The following NTM variants were observed in gnomAD, a reference collection of about 807,000 sequenced individuals.
The protein encoded by NTM is IgLON family member 2.
In NTM, 13 loss-of-function variants were observed where a neutral mutation model predicts 42.1. That is an observed-to-expected ratio of 0.31 (90% CI 0.20 to 0.49). The LOEUF (loss-of-function observed/expected upper bound fraction) is 0.49, where lower values mean the gene tolerates loss of function less well. NTM is among the 20% of genes least tolerant of loss of function. The pLI is 0.99. For synonymous variants in NTM, 187 were observed against 179.2 expected (o/e 1.04, Z -0.35); for missense variants, 373 against 452.8 (o/e 0.82, Z 1.60).
chr11:131,445,234 G>T lies in NTM; in HGVS notation c.82+74346G>T, dbSNP rs559917883. On this transcript the variant is annotated intron_variant, in intron 1 of 8. Coordinates refer to ENST00000683400, the MANE Select transcript of NTM (RefSeq NM_001352005.2). ...TTTCTCCTGTGGCATTTGTATCTCC[G>T]TACACTGCCCTGTACCCCTAAGGGT... 8.6e-4 allele frequency among the ~76,000 whole-genome samples: 131 copies of T among 152,220 alleles called. No individual in the cohort carries two copies. The South Asian group carries it at 0.01, about 12-fold the overall frequency.
At chr11:131,796,958 G>A (rs1160347647) in intron 1 of NTM, among the ~76,000 whole-genome samples, 3 of 152,206 alleles carry the variant, frequency 2.0e-5, no homozygotes, top group African/African-American at 4.8e-5. Flanking sequence ...TTTAGCTAAT[G>A]ATGAAATAGA....
intron 3 of NTM, among the ~76,000 whole-genome samples, chr11:132,167,272 G>C (rs2075421579): frequency 6.6e-6 from 1 of 151,984 alleles, no homozygotes; most frequent in South Asian, 2.1e-4. Context: ...GATCTTGTTA[G>C]GTTGCCCAGG....
chr11:132,233,728 G>A (rs563794604), intron 4 of NTM, among the ~76,000 whole-genome samples: 1 of 152,170 alleles, frequency 6.6e-6, no homozygotes, highest in African/African-American at 2.4e-5. Context: ...TTATTATCTG[G>A]TCCTTTAGAG....
intron 2 of NTM, among the ~76,000 whole-genome samples, chr11:131,920,172 C>T (rs1320920883): frequency 6.6e-6 from 1 of 152,124 alleles, no homozygotes; most frequent in East Asian, 1.9e-4. Context: ...GACCCCTTTT[C>T]CTTGGAGAAA....
intron 1 of NTM, among the ~76,000 whole-genome samples, chr11:131,382,419 G>A (rs1303011150): frequency 6.6e-6 from 1 of 152,088 alleles, no homozygotes; most frequent in African/African-American, 2.4e-5. Context: ...CAAACTGATA[G>A]GGGGAACTCA....
chr11:131,910,599 G>T (rs936481888), intron 1 of NTM, among the ~76,000 whole-genome samples: 1 of 150,892 alleles, frequency 6.6e-6, no homozygotes, highest in Non-Finnish European at 1.5e-5. Flanking sequence ...CCCGGCGGTC[G>T]GGGCCCGCGC....
chr11:132,178,928 A>G (rs1471436181), intron 3 of NTM, among the ~76,000 whole-genome samples: 1 of 152,160 alleles, frequency 6.6e-6, no homozygotes, highest in Admixed American at 6.5e-5. Flanking sequence ...GCAAAGAAAA[A>G]CTTGGGCGTT....
chr11:131,378,388 G>A (rs1038342588), intron 1 of NTM, among the ~76,000 whole-genome samples: 1 of 152,156 alleles, frequency 6.6e-6, no homozygotes, highest in Non-Finnish European at 1.5e-5. Flanking sequence ...GATAGGTAGT[G>A]GTTCTAAAAG....
intron 1 of NTM, among the ~76,000 whole-genome samples, chr11:131,853,875 CCTT>C (rs1250386147): frequency 3.3e-5 from 5 of 152,336 alleles, no homozygotes; most frequent in Non-Finnish European, 5.9e-5. Context: ...TCAAAGCATT[CCTT>C]CTTCTCCACA....
intron 2 of NTM, among the ~76,000 whole-genome samples, chr11:131,988,999 A>G (rs894996336): frequency 6.6e-6 from 1 of 152,200 alleles, no homozygotes; most frequent in East Asian, 1.9e-4. Context: ...GAATCCAGCT[A>G]TAGTGGGTCC....
intron 1 of NTM, among the ~76,000 whole-genome samples, chr11:131,659,214 C>T (rs1210604071): frequency 6.6e-6 from 1 of 152,224 alleles, no homozygotes; most frequent in Non-Finnish European, 1.5e-5. Context: ...GTGATCTCTT[C>T]TCCCATGAGT....
At chr11:132,260,033 G>A (rs946325233) in intron 4 of NTM, among the ~76,000 whole-genome samples, 4 of 152,142 alleles carry the variant, frequency 2.6e-5, no homozygotes, top group Non-Finnish European at 5.9e-5. Flanking sequence ...CTGGGTGGCG[G>A]GAGCAGGAGA....
intron 2 of NTM, among the ~76,000 whole-genome samples, chr11:132,107,339 C>CTTCTTTTTTT (rs1640202965): frequency 2.3e-5 from 2 of 88,858 alleles, no homozygotes; most frequent in African/African-American, 1.0e-4. Context: ...AAGATTTATC[C>CTTCTTTTTTT]TTTTTTTTTT....
At position 131,433,148 on chromosome 11, in the gene NTM, C is replaced by A. The variant is rs1165152942; in HGVS notation, c.82+62260C>A. 3.3e-5 allele frequency among the ~76,000 whole-genome samples: 5 copies of A among 152,068 alleles called. No individual in the cohort carries two copies. The East Asian group carries it at 9.6e-4, about 29-fold the overall frequency. On this transcript the variant is annotated intron_variant, in intron 1 of 8. Coordinates refer to ENST00000683400, the MANE Select transcript of NTM (RefSeq NM_001352005.2). ...CTGGGATTACAGGCGTGAGCCACTG[C>A]GCCCAGCCTAGCATTCTTAAACCTG...
At chr11:131,609,961 C>T (rs1486725306) in intron 1 of NTM, among the ~76,000 whole-genome samples, 1 of 152,172 alleles carries the variant, frequency 6.6e-6, no homozygotes, top group Non-Finnish European at 1.5e-5. Flanking sequence ...TATCCCTGCT[C>T]TTTGTAACAG....
intron 8 of NTM, among the ~76,000 whole-genome samples, chr11:132,333,062 A>G (rs1013528607): frequency 1.3e-5 from 2 of 152,216 alleles, no homozygotes; most frequent in African/African-American, 4.8e-5. Context: ...GTGTGCTGAC[A>G]GCTGTGTCCC....
chr11:131,969,184 C>A (rs924305316), intron 2 of NTM, among the ~76,000 whole-genome samples: 2 of 152,130 alleles, frequency 1.3e-5, no homozygotes, highest in African/African-American at 4.8e-5. Context: ...TCTTTCTGAG[C>A]CCCTTTCCTC....
At chr11:131,932,699 G>A (rs546341086) in intron 2 of NTM, among the ~76,000 whole-genome samples, 1 of 152,310 alleles carries the variant, frequency 6.6e-6, no homozygotes, top group Non-Finnish European at 1.5e-5. Context: ...ATGAGCAGGC[G>A]TTGGTCATCA....
chr11:132,015,201 T>C (rs2073165822), intron 2 of NTM, among the ~76,000 whole-genome samples: 1 of 152,056 alleles, frequency 6.6e-6, no homozygotes, highest in Non-Finnish European at 1.5e-5. Flanking sequence ...CAGTTGGCCA[T>C]AAATGGGTGG....
Sources: gnomAD v4.1 joint callset for allele counts (sites outside exome capture counted in the v4.1 genomes callset) on GRCh38, gnomAD v4.1.1 for gene constraint, MANE v1.5 for transcripts, NCBI Gene and HGNC (gene_info 2026-07-23, HGNC 2026-07-21) for gene names.